Variants in BCAS3 observed in about 807,000 individuals in gnomAD.
BCAS3 encodes BCAS3 microtubule associated cell migration factor.
BCAS3 carries 53 observed loss-of-function variants against 116.1 expected under a neutral mutation model. That is an observed-to-expected ratio of 0.46 (90% CI 0.37 to 0.57). The LOEUF is 0.57. BCAS3 is among the 20% of genes least tolerant of loss of function. The pLI is 0.00. For missense variants in BCAS3, 917 were observed against 1,165.4 expected, an observed-to-expected ratio of 0.79 and a Z score of 3.10; for synonymous variants, 391 against 408.2, an observed-to-expected ratio of 0.96 and a Z score of 0.51.
chr17:60,871,266 G>C (rs1169204686), intron 8 of BCAS3, among the ~76,000 whole-genome samples: 1 of 152,168 alleles, frequency 6.6e-6, no homozygotes, highest in African/African-American at 2.4e-5. Context: ...CCAAGCTGAA[G>C]CAATCCTCTT....
chr17:60,680,471 A>G (rs539863245), intron 2 of BCAS3, among the ~76,000 whole-genome samples: 27 of 152,214 alleles, frequency 1.8e-4, no homozygotes, highest in African/African-American at 4.8e-4. Context: ...GTTCCCGTCT[A>G]TGTATCCATG....
intron 23 of BCAS3, among the ~76,000 whole-genome samples, chr17:61,369,753 A>G (rs940869931): frequency 6.6e-6 from 1 of 152,218 alleles, no homozygotes; most frequent in Non-Finnish European, 1.5e-5. Flanking sequence ...CATGGGTAGC[A>G]TGTCATCATG....
At chr17:61,091,453 T>C (rs998561067) in intron 22 of BCAS3, among the ~76,000 whole-genome samples, 5 of 152,268 alleles carry the variant, frequency 3.3e-5, no homozygotes, top group African/African-American at 1.2e-4. Flanking sequence ...GAATTCCATT[T>C]GTCTTAGTGA....
chr17:61,192,079 T>TA (rs2080167807), intron 22 of BCAS3, among the ~76,000 whole-genome samples: 1 of 151,668 alleles, frequency 6.6e-6, no homozygotes, highest in Non-Finnish European at 1.5e-5. Context: ...ACCCTATCTC[T>TA]ACTAAAACTT....
chr17:61,318,602 C>T (rs1302603962), intron 22 of BCAS3, among the ~76,000 whole-genome samples: 3 of 152,162 alleles, frequency 2.0e-5, no homozygotes, highest in African/African-American at 4.8e-5. Flanking sequence ...GGTTATTTCC[C>T]GTGTTTCTCC....
intron 22 of BCAS3, among the ~76,000 whole-genome samples, chr17:61,114,472 G>A (rs2075297347): frequency 6.7e-6 from 1 of 149,382 alleles, no homozygotes; most frequent in African/African-American, 2.5e-5. Context: ...CAAATCATGA[G>A]TGAACTCCCA....
chr17:60,767,976 A>T (rs8081955), intron 6 of BCAS3, among the ~76,000 whole-genome samples: 41,447 of 151,728 alleles, frequency 0.27, 11,303 homozygotes, highest in African/African-American at 0.71. Flanking sequence ...AGTTTTAAAT[A>T]TTTTGTAGGA....
intron 22 of BCAS3, among the ~76,000 whole-genome samples, chr17:61,201,959 C>T (rs2080852181): frequency 6.6e-6 from 1 of 150,982 alleles, no homozygotes; most frequent in Admixed American, 6.6e-5. Flanking sequence ...CGGGTTTCAC[C>T]ATGTTGATGA....
intron 11 of BCAS3, among the ~76,000 whole-genome samples, chr17:60,903,040 C>G (rs2057998205): frequency 6.6e-6 from 1 of 152,172 alleles, no homozygotes; most frequent in Non-Finnish European, 1.5e-5. Flanking sequence ...TCGTCACATT[C>G]AAAGATTCTT....
At position 61,180,301 on chromosome 17, in the gene BCAS3, A is replaced by G. The variant is rs1254658353; in HGVS notation, c.2425+95737A>G. 3.3e-5 allele frequency among the ~76,000 whole-genome samples: 5 copies of G among 152,168 alleles called. No individual in the cohort carries two copies. The East Asian group carries it at 7.7e-4, about 23-fold the overall frequency. ...CAGATAATGATGTATTATTTCACTT[A>G]AAAAAATCTTGGAAGATAAACCAAG... On this transcript the variant is annotated intron_variant, in intron 22 of 23. Transcript: ENST00000407086. The surrounding 1 kb of genome is among the most constrained non-coding windows in gnomAD (Gnocchi z 6.0).
At chr17:60,948,404 A>G (rs550182976) in intron 14 of BCAS3, among the ~76,000 whole-genome samples, 6 of 152,264 alleles carry the variant, frequency 3.9e-5, no homozygotes, top group African/African-American at 1.2e-4. Flanking sequence ...GATTATAGGC[A>G]TGAGCCACCG....
At chr17:60,999,594 G>A (rs1329219170) in intron 15 of BCAS3, among the ~76,000 whole-genome samples, 1 of 151,642 alleles carries the variant, frequency 6.6e-6, no homozygotes, top group Non-Finnish European at 1.5e-5. Context: ...GATGTCTTAG[G>A]CTTTGTTCTT....
intron 7 of BCAS3, among the ~76,000 whole-genome samples, chr17:60,834,225 AT>A (rs2051180754): frequency 6.6e-6 from 1 of 152,050 alleles, no homozygotes. Flanking sequence ...AGAAGTATTA[AT>A]TTAGAACAGG....
At chr17:60,951,741 G>C (rs1056368091) in intron 14 of BCAS3, among the ~76,000 whole-genome samples, 3 of 150,784 alleles carry the variant, frequency 2.0e-5, no homozygotes, top group Admixed American at 1.3e-4. Context: ...TGATTGATAG[G>C]GTCTTGGCAT....
intron 10 of BCAS3, among the ~76,000 whole-genome samples, chr17:60,901,563 G>T (rs951356007): frequency 6.6e-6 from 1 of 152,086 alleles, no homozygotes; most frequent in East Asian, 1.9e-4. Flanking sequence ...ATGTAACAGA[G>T]ATTGCTTAAA....
intron 6 of BCAS3, among the ~76,000 whole-genome samples, chr17:60,797,998 G>A (rs2081842556): frequency 1.3e-5 from 2 of 152,244 alleles, no homozygotes; most frequent in South Asian, 2.1e-4. Context: ...TTGAGATTGT[G>A]CCACTGCACT....
chr17:60,757,394 A>ATATG (rs2043110893), intron 6 of BCAS3, among the ~76,000 whole-genome samples: 1 of 136,608 alleles, frequency 7.3e-6, no homozygotes, highest in Non-Finnish European at 1.6e-5. Flanking sequence ...CAGCATGTAT[A>ATATG]TGTGTGTGTG....
At chr17:60,873,529 T>C (rs2055318456) in intron 8 of BCAS3, among the ~76,000 whole-genome samples, 2 of 152,220 alleles carry the variant, frequency 1.3e-5, no homozygotes, top group Non-Finnish European at 2.9e-5. Flanking sequence ...TGGCTATTTA[T>C]ATTAATATGC....
At chr17:60,913,404 A>T (rs562244071) in intron 12 of BCAS3, among the ~76,000 whole-genome samples, 4 of 152,208 alleles carry the variant, frequency 2.6e-5, no homozygotes, top group East Asian at 1.9e-4. Context: ...CATTTTAAAA[A>T]ATATATATAA....
Sources: gnomAD v4.1 joint callset for allele counts (sites outside exome capture counted in the v4.1 genomes callset) on GRCh38, gnomAD v4.1.1 for gene constraint, Gnocchi (gnomAD v3.1) non-coding constraint, MANE v1.5 for transcripts, NCBI Gene and HGNC (gene_info 2026-07-23, HGNC 2026-07-21) for gene names.